GPRIN3: variants seen among roughly 807,000 people sequenced by gnomAD.
The protein encoded by GPRIN3 is G protein-regulated inducer of neurite outgrowth 3.
Under a neutral mutation model 13.7 loss-of-function variants are expected in GPRIN3, and 12 were observed. The ratio of observed to expected loss-of-function variants is 0.87; its 90% CI spans 0.56 to 1.42. The LOEUF is 1.42. Ranked by LOEUF, GPRIN3 falls within the 40% of genes most tolerant of loss-of-function variation. GPRIN3 has a pLI of 0.00. For synonymous variants in GPRIN3, 377 were observed against 372.7 expected (o/e 1.01, Z -0.13); for missense variants, 1,009 against 958.7 (o/e 1.05, Z -0.69).
intron 1 of GPRIN3, among the ~76,000 whole-genome samples, chr4:89,284,233 A>C (rs1348080658): frequency 1.3e-5 from 2 of 152,210 alleles, no homozygotes; most frequent in African/African-American, 4.8e-5. Context: ...AGGCCACTAA[A>C]GCAAATGAAC....
In GPRIN3 at chr4:89,247,794, A is replaced by T; in HGVS notation, c.2317T>A (p.Ser773Thr). ...AATACTCCCTTTCAATCTAACACAG[A>T]AGACGGGGCAGGACGGACGCAGCAG... ...PNCCVRPAPS[S>T]VLD Residue 773 changes from serine to threonine, a missense_variant, in exon 2 of 2, where the codon TCT becomes ACT. Ser to Thr is a moderately conservative substitution (Grantham distance 58). Transcript: ENST00000609438. 6.2e-7 allele frequency: 1 copy of T among 1,609,198 alleles called. No individual in the cohort carries two copies. Among genetic ancestry groups the T allele is most frequent in the African/African-American group, 1.3e-5 (1 of 74,800 alleles).
At chr4:89,250,411 A>G (rs1473341378) in intron 1 of GPRIN3, 178 bp from the exon 2 acceptor site, 1 of 256,750 alleles carries the variant, frequency 3.9e-6, no homozygotes, top group Non-Finnish European at 7.2e-6. Flanking sequence ...AGACTTGAGA[A>G]AAAGATTTTG....
chr4:89,270,581 A>ATG (rs1403252531), intron 1 of GPRIN3, among the ~76,000 whole-genome samples: 2 of 100,150 alleles, frequency 2.0e-5, no homozygotes. Flanking sequence ...ATATATATAT[A>ATG]TATATATATA....
rs112143610 is a variant in GPRIN3 at position 89,251,977 on chromosome 4, C to CT, written c.-123-1745dup. On this transcript the variant is annotated intron_variant, in intron 1 of 1. Transcript: ENST00000609438. ...TTATATGTGTGTGTTTATATATAAG[C>CT]TTTTTTTTTTTTTGAGACAGGGTCT... Among the ~76,000 whole-genome samples, 318 of 143,292 alleles carry CT rather than the reference C, an allele frequency of 2.2e-3. 2 individuals are homozygous for CT. The highest frequency in any genetic ancestry group is 6.1e-3 in the African/African-American group (239 of 39,256). 94.0% of individuals were successfully genotyped at this position (143,292 alleles called of 152,430 possible). A position where few individuals can be genotyped will look rare whatever the true frequency, so the allele number is the denominator to read the frequency against.
intron 1 of GPRIN3, among the ~76,000 whole-genome samples, chr4:89,291,951 C>T (rs1474609969): frequency 6.6e-6 from 1 of 151,394 alleles, no homozygotes; most frequent in Admixed American, 6.6e-5. Flanking sequence ...TCAGTTTTTC[C>T]TCCTTTCCCT....
At position 89,249,340 on chromosome 4, in the gene GPRIN3, G is replaced by C; in HGVS notation, c.771C>G (p.Pro257=). ...GAGGTGTCACAGAAGTTGTGCCTTG[G>C]GGGCCCGAGGCAGTGACAGAGGGCT... ...NKQPSVTASG[P]QGTTSVTPQP... is the part of the protein sequence containing the mutation. Residue 257 remains proline, a synonymous_variant, in exon 2 of 2, where the codon CCC becomes CCG. Transcript: ENST00000609438. 1 of 1,614,088 alleles carries C rather than the reference G, an allele frequency of 6.2e-7. No homozygotes were observed.
intron 1 of GPRIN3, among the ~76,000 whole-genome samples, chr4:89,268,608 C>T (rs1723846145): frequency 6.6e-6 from 1 of 152,150 alleles, no homozygotes; most frequent in African/African-American, 2.4e-5. Flanking sequence ...TGAAGCCACC[C>T]CTTCCAACTG....
chr4:89,271,398 C>T (rs1723945520), intron 1 of GPRIN3, among the ~76,000 whole-genome samples: 1 of 151,934 alleles, frequency 6.6e-6, no homozygotes, highest in Non-Finnish European at 1.5e-5. Flanking sequence ...TCATCCAGGA[C>T]CCCCACTTCA....
rs377266280 is a variant in GPRIN3 at position 89,240,387 on chromosome 4, T to A, written c.*7393A>T. Reference sequence around the variant, plus strand: ...TTAAATCTTTGACTTCTCTTCGGTGTTGGTAGGCATAGTTTTGCTGAGCTC... The same window carrying A: ...TTAAATCTTTGACTTCTCTTCGGTGATGGTAGGCATAGTTTTGCTGAGCTC... On this transcript the variant is annotated 3_prime_UTR_variant, in exon 2 of 2. Transcript: ENST00000609438. 1.4e-4 allele frequency: 22 copies of A among 152,262 alleles called. No individual in the cohort carries two copies. Among genetic ancestry groups the A allele is most frequent in the African/African-American group, 5.3e-4 (22 of 41,554 alleles). The allele number at this position is 152,262 out of a possible 1,614,324, so 9.4% of individuals were successfully genotyped here.
In GPRIN3 at chr4:89,239,673, T is replaced by G. The variant is rs1272315550; in HGVS notation, c.*8107A>C. On this transcript the variant is annotated 3_prime_UTR_variant, in exon 2 of 2. Coordinates refer to ENST00000609438, the MANE Select transcript of GPRIN3 (RefSeq NM_198281.3). ...TCTGGTATTTCCATTTATATTTTCT[T>G]TTTTTTGAGACAGAGCCTTGCCCTG... is the stretch of plus-strand genomic sequence containing the variant. The G allele has an allele frequency of 1.3e-5, 2 of 152,210 alleles. No homozygotes were observed. The highest frequency in any genetic ancestry group is 6.5e-5 in the Admixed American group (1 of 15,274). The allele number at this position is 152,210 out of a possible 1,614,324, so 9.4% of individuals were successfully genotyped here. A position where few individuals can be genotyped will look rare whatever the true frequency, so the allele number is the denominator to read the frequency against.
intron 1 of GPRIN3, among the ~76,000 whole-genome samples, chr4:89,265,391 C>T (rs1420523331): frequency 6.6e-6 from 1 of 152,050 alleles, no homozygotes; most frequent in East Asian, 1.9e-4. Context: ...CAACTGATTA[C>T]AATACCCCTT....
chr4:89,250,201 C>T lies in GPRIN3; in HGVS notation c.-91G>A. Reference sequence around the variant, plus strand: ...GCGCAGTCAGAGCTCAGAGTGATGACACAGTCAGGGATGATTCCTCTGAAG... The same window carrying T: ...GCGCAGTCAGAGCTCAGAGTGATGATACAGTCAGGGATGATTCCTCTGAAG... On this transcript the variant is annotated 5_prime_UTR_variant, in exon 2 of 2. Transcript: ENST00000609438. 1 of 1,520,626 alleles carries T rather than the reference C, an allele frequency of 6.6e-7. No individual in the cohort carries two copies. Among genetic ancestry groups the T allele is most frequent in the Non-Finnish European group, 8.8e-7 (1 of 1,135,350 alleles). The allele number at this position is 1,520,626 out of a possible 1,614,324, so 94.2% of individuals were successfully genotyped here.
At chr4:89,277,388 A>G (rs796911949) in intron 1 of GPRIN3, among the ~76,000 whole-genome samples, 9 of 152,146 alleles carry the variant, frequency 5.9e-5, no homozygotes, top group African/African-American at 1.9e-4. Context: ...AGGGACCAGG[A>G]CCCCCAAGGA....
intron 1 of GPRIN3, among the ~76,000 whole-genome samples, chr4:89,287,264 A>C (rs990335677): frequency 6.6e-6 from 1 of 152,232 alleles, no homozygotes; most frequent in African/African-American, 2.4e-5. Context: ...GCAAGAAAGC[A>C]AATGATTAAT....
intron 1 of GPRIN3, among the ~76,000 whole-genome samples, chr4:89,294,109 A>T (rs1724666477): frequency 6.6e-6 from 1 of 152,212 alleles, no homozygotes; most frequent in African/African-American, 2.4e-5. Flanking sequence ...ATAACCAGAG[A>T]ATACAGAAAA....
intron 1 of GPRIN3, among the ~76,000 whole-genome samples, chr4:89,251,368 G>A (rs1288580031): frequency 6.6e-6 from 1 of 152,130 alleles, no homozygotes; most frequent in Non-Finnish European, 1.5e-5. Flanking sequence ...AATTGTAGGT[G>A]CAAATAAATA....
At chr4:89,268,624 A>G (rs1030319003) in intron 1 of GPRIN3, among the ~76,000 whole-genome samples, 15 of 152,232 alleles carry the variant, frequency 9.9e-5, no homozygotes, top group African/African-American at 3.6e-4. Flanking sequence ...AACTGAGTTG[A>G]TCCTGAAATT....
In GPRIN3 at chr4:89,249,215, C is replaced by G; in HGVS notation, c.896G>C (p.Ser299Thr). ...QRQMSRFKEA[S>T]TMTNQAESEI... is the part of the protein sequence containing the mutation. ...ACTTTCAGCTTGGTTGGTCATCGTA[C>G]TGGCTTCTTTGAACCTTGACATCTG... Residue 299 changes from serine (S) to threonine (T), a missense_variant, in exon 2 of 2, where the codon AGT becomes ACT. Coordinates refer to ENST00000609438, the MANE Select transcript of GPRIN3 (RefSeq NM_198281.3). 1.2e-6 allele frequency: 2 copies of G among 1,614,182 alleles called. No individual in the cohort carries two copies. The highest frequency in any genetic ancestry group is 1.7e-6 in the Non-Finnish European group (2 of 1,180,032).
At chr4:89,275,960 C>G (rs1186259077) in intron 1 of GPRIN3, among the ~76,000 whole-genome samples, 1 of 152,158 alleles carries the variant, frequency 6.6e-6, no homozygotes, top group Admixed American at 6.5e-5. Context: ...TACAATTAAC[C>G]TAGGCCAGGC....
Sources: gnomAD v4.1 joint callset for allele counts (sites outside exome capture counted in the v4.1 genomes callset) on GRCh38, gnomAD v4.1.1 for gene constraint, MANE v1.5 for transcripts, NCBI Gene and HGNC (gene_info 2026-07-23, HGNC 2026-07-21) for gene names.